The following KIAA1217 variants were observed in gnomAD, a reference collection of about 807,000 sequenced individuals.
KIAA1217 encodes the protein sickle tail protein homolog.
A neutral mutation model predicts 163.9 loss-of-function variants in KIAA1217; 88 were observed. The ratio of observed to expected loss-of-function variants is 0.54; its 90% CI spans 0.45 to 0.64. The LOEUF is 0.64. Among genes scored for constraint, KIAA1217 ranks in the 30% least tolerant of loss-of-function variants. The pLI is 0.00. For synonymous variants in KIAA1217, 903 were observed against 923.1 expected (o/e 0.98, Z 0.39); for missense variants, 2,372 against 2,475.0 (o/e 0.96, Z 0.88).
intron 3 of KIAA1217, among the ~76,000 whole-genome samples, chr10:24,394,244 G>A (rs773547893): frequency 6.6e-6 from 1 of 152,198 alleles, no homozygotes; most frequent in Non-Finnish European, 1.5e-5. Context: ...TCAGCCTGCT[G>A]AGTTTGGCTA....
At chr10:23,779,725 C>T (rs1411388954) in intron 1 of KIAA1217, among the ~76,000 whole-genome samples, 1 of 152,092 alleles carries the variant, frequency 6.6e-6, no homozygotes, top group Non-Finnish European at 1.5e-5. Context: ...ACTTAATGTA[C>T]ATTGATGTGA....
intron 2 of KIAA1217, among the ~76,000 whole-genome samples, chr10:24,227,317 C>T (rs1219166309): frequency 6.6e-6 from 1 of 150,780 alleles, no homozygotes; most frequent in African/African-American, 2.4e-5. Flanking sequence ...GCCACCACAC[C>T]CAGCTAATTT....
intron 1 of KIAA1217, among the ~76,000 whole-genome samples, chr10:23,744,514 C>T (rs1190787233): frequency 6.6e-6 from 1 of 151,982 alleles, no homozygotes; most frequent in African/African-American, 2.4e-5. Flanking sequence ...CAGACAGGGT[C>T]GCATCCCGAG....
chr10:23,747,342 C>T (rs1839467210), intron 1 of KIAA1217, among the ~76,000 whole-genome samples: 1 of 152,156 alleles, frequency 6.6e-6, no homozygotes, highest in African/African-American at 2.4e-5. Context: ...GGAGATGCAT[C>T]TTTTGTTTCC....
chr10:24,037,566 G>A (rs12241696), intron 2 of KIAA1217, among the ~76,000 whole-genome samples: 3,931 of 152,296 alleles, frequency 0.026, 171 homozygotes, highest in African/African-American at 0.087. Flanking sequence ...TGATCAGCTG[G>A]TGAATGATCT....
intron 1 of KIAA1217, among the ~76,000 whole-genome samples, chr10:23,823,640 G>T (rs559365250): frequency 6.6e-6 from 1 of 152,174 alleles, no homozygotes; most frequent in Admixed American, 6.5e-5. Flanking sequence ...CAGGGGGTTT[G>T]GCCTACCAAG....
At chr10:24,345,292 G>A (rs7085277) in intron 2 of KIAA1217, among the ~76,000 whole-genome samples, 19 of 152,264 alleles carry the variant, frequency 1.2e-4, no homozygotes, top group Non-Finnish European at 2.6e-4. Context: ...GTTCCCCTCC[G>A]CATGGAGCAC....
chr10:24,130,246 C>A (rs1469138817), intron 2 of KIAA1217, among the ~76,000 whole-genome samples: 1 of 152,186 alleles, frequency 6.6e-6, no homozygotes, highest in Admixed American at 6.5e-5. Context: ...TAGTTCACTG[C>A]AACCTCAAGC....
Position 24,349,013 on chromosome 10 carries a change from T to G in KIAA1217, c.355-31856T>G, listed in dbSNP as rs76494208. 0.011 allele frequency among the ~76,000 whole-genome samples: 1,608 copies of G among 151,898 alleles called. 91 individuals are homozygous for G. In the East Asian group the frequency reaches 0.16, roughly 15 times the overall value. On this transcript the variant is annotated intron_variant, in intron 2 of 20. Transcript: ENST00000376454. ...AAGAAATTTAAAATTTTGCCTATAGTTTCAGCTAGTTGGGAGGCTGAAGTG... is the reference window on the plus strand; with the variant it reads ...AAGAAATTTAAAATTTTGCCTATAGGTTCAGCTAGTTGGGAGGCTGAAGTG...
chr10:24,412,679 A>G (rs1203650661), intron 3 of KIAA1217, among the ~76,000 whole-genome samples: 2 of 151,810 alleles, frequency 1.3e-5, no homozygotes, highest in African/African-American at 4.8e-5. Flanking sequence ...GTTGCATCTC[A>G]TTTTCTCATC....
At chr10:24,039,448 G>A (rs1173313972) in intron 2 of KIAA1217, among the ~76,000 whole-genome samples, 1 of 152,130 alleles carries the variant, frequency 6.6e-6, no homozygotes, top group African/African-American at 2.4e-5. Context: ...GATATGCTGG[G>A]CAGCAGCAGT....
intron 2 of KIAA1217, among the ~76,000 whole-genome samples, chr10:24,223,141 C>G (rs2069898968): frequency 6.6e-6 from 1 of 152,110 alleles, no homozygotes; most frequent in Non-Finnish European, 1.5e-5. Flanking sequence ...TTGTGATGAC[C>G]TCCTATCTCA....
At chr10:24,234,720 A>C (rs2131170729) in intron 2 of KIAA1217, among the ~76,000 whole-genome samples, 1 of 151,742 alleles carries the variant, frequency 6.6e-6, no homozygotes, top group South Asian at 2.1e-4. Context: ...TTTTCAGCCT[A>C]ATTCGTTAAG....
At chr10:23,867,015 A>C in intron 1 of KIAA1217, among the ~76,000 whole-genome samples, 1 of 111,974 alleles carries the variant, frequency 8.9e-6, no homozygotes. Context: ...CCACCGCACA[A>C]CAGTCCCCAG....
intron 2 of KIAA1217, among the ~76,000 whole-genome samples, chr10:24,176,745 G>C (rs994748459): frequency 2.6e-5 from 4 of 152,240 alleles, no homozygotes; most frequent in Non-Finnish European, 5.9e-5. Flanking sequence ...TGGCCTTTGG[G>C]TGATTGATAG....
chr10:24,033,846 T>C (rs549639998), intron 2 of KIAA1217, among the ~76,000 whole-genome samples: 1 of 152,370 alleles, frequency 6.6e-6, no homozygotes, highest in South Asian at 2.1e-4. Flanking sequence ...ATTTTGTCTA[T>C]GGCTATTTTT....
chr10:24,307,479 C>G (rs2042129357), intron 2 of KIAA1217, among the ~76,000 whole-genome samples: 1 of 152,092 alleles, frequency 6.6e-6, no homozygotes, highest in Non-Finnish European at 1.5e-5. Flanking sequence ...TTCTTCCCAT[C>G]AAGACTTAAT....
chr10:24,173,630 G>A (rs981737768), intron 2 of KIAA1217, among the ~76,000 whole-genome samples: 1 of 151,956 alleles, frequency 6.6e-6, no homozygotes, highest in Admixed American at 6.6e-5. Context: ...CCTAAAAGAT[G>A]GTTCAACTTT....
At chr10:23,879,829 A>C (rs1057142159) in intron 1 of KIAA1217, among the ~76,000 whole-genome samples, 2 of 151,912 alleles carry the variant, frequency 1.3e-5, no homozygotes, top group Admixed American at 6.6e-5. Flanking sequence ...GAAAATGATA[A>C]TGTAGGAGAA....
Sources: allele counts gnomAD v4.1 joint callset (sites outside exome capture counted in the v4.1 genomes callset), GRCh38; gene constraint gnomAD v4.1.1; transcripts MANE v1.5; gene names NCBI Gene and HGNC (gene_info 2026-07-23, HGNC 2026-07-21).